The following TTC27 variants were observed in gnomAD, a reference collection of about 807,000 sequenced individuals.
TTC27 encodes tetratricopeptide repeat protein 27.
TTC27 carries 79 observed loss-of-function variants against 115.9 expected under a neutral mutation model. The ratio of observed to expected loss-of-function variants is 0.68; its 90% confidence interval spans 0.57 to 0.82. The LOEUF is 0.82. TTC27 is among the 40% of genes least tolerant of loss of function. TTC27 has a pLI of 0.00. For missense variants in TTC27, 1,054 were observed against 993.1 expected, an observed-to-expected ratio of 1.06 and a Z score of -0.82; for synonymous variants, 401 against 356.0, an observed-to-expected ratio of 1.13 and a Z score of -1.42.
At chr2:32,787,959 A>G (rs1419729268) in intron 16 of TTC27, among the ~76,000 whole-genome samples, 1 of 152,206 alleles carries the variant, frequency 6.6e-6, no homozygotes. Context: ...TCCTGTTAAC[A>G]CTGCTGAAAT....
intron 3 of TTC27, among the ~76,000 whole-genome samples, chr2:32,638,105 T>C (rs1195991436): frequency 6.6e-6 from 1 of 152,238 alleles, no homozygotes; most frequent in African/African-American, 2.4e-5. Flanking sequence ...TGGGAATTGA[T>C]TTGGGAATTG....
At chr2:32,788,302 C>A (rs762039848) in intron 16 of TTC27, among the ~76,000 whole-genome samples, 51 of 152,060 alleles carry the variant, frequency 3.4e-4, no homozygotes, top group Non-Finnish European at 2.4e-4. Flanking sequence ...GGCTCAATTC[C>A]AGCATTCTTT....
chr2:32,634,042 A>T, intron 3 of TTC27, 37 bp downstream of exon 3: 1 of 1,579,036 alleles, frequency 6.3e-7, no homozygotes, highest in South Asian at 1.2e-5. Flanking sequence ...AATTATTATT[A>T]TGTTATTTAT....
At chr2:32,690,509 A>G (rs1204283009) in intron 9 of TTC27, among the ~76,000 whole-genome samples, 2 of 152,222 alleles carry the variant, frequency 1.3e-5, no homozygotes, top group Admixed American at 6.5e-5. Flanking sequence ...AAGGAAGACA[A>G]TATTTAGGAC....
chr2:32,646,218 C>T (rs187166430), intron 4 of TTC27, among the ~76,000 whole-genome samples: 67 of 150,950 alleles, frequency 4.4e-4, no homozygotes, highest in African/African-American at 1.6e-3. Flanking sequence ...TTAGTAGAGA[C>T]GGGGTTTCAC....
intron 16 of TTC27, among the ~76,000 whole-genome samples, chr2:32,803,444 CT>C (rs1383558842): frequency 1.1e-4 from 17 of 152,208 alleles, no homozygotes; most frequent in African/African-American, 2.9e-4. Context: ...CAGATAAACA[CT>C]TTTCTCAGCC....
At chr2:32,770,316 G>C (rs1440811567) in intron 13 of TTC27, among the ~76,000 whole-genome samples, 2 of 152,212 alleles carry the variant, frequency 1.3e-5, no homozygotes, top group African/African-American at 4.8e-5. Flanking sequence ...TGAAGAAATA[G>C]AGGGTTAAGT....
At chr2:32,703,010 A>G in intron 10 of TTC27, 90 bp downstream of exon 10, 3 of 873,496 alleles carry the variant, frequency 3.4e-6, no homozygotes, top group South Asian at 3.1e-5. Context: ...AAGGAATGAA[A>G]TGGCTTACAT....
At chr2:32,629,601 ATT>A (rs367775246) in intron 1 of TTC27, among the ~76,000 whole-genome samples, 2 of 148,870 alleles carry the variant, frequency 1.3e-5, no homozygotes, top group Admixed American at 6.7e-5. Flanking sequence ...CGACCAGCTA[ATT>A]TTTTTTTTTG....
chr2:32,706,420 G>A (rs751782518), intron 10 of TTC27, among the ~76,000 whole-genome samples: 3 of 151,604 alleles, frequency 2.0e-5, no homozygotes, highest in Admixed American at 6.6e-5. Context: ...CAAAATTTTA[G>A]CCCATTTGAA....
Position 32,644,741 on chromosome 2 carries a change from C to T in TTC27, c.537+4331C>T, listed in dbSNP as rs115217678. ...ATCCTGCCTGGCTTCTCTTGCCATT[C>T]AACTGAAGCATTATTCTTTCTATTA... On this transcript the variant is annotated intron_variant, in intron 4 of 19. Coordinates refer to ENST00000317907, the MANE Select transcript of TTC27 (RefSeq NM_017735.5). Among the ~76,000 whole-genome samples the T allele has an allele frequency of 3.9e-3, 595 of 151,950 alleles. 1 individual carries two copies. The highest frequency in any genetic ancestry group is 0.014 in the African/African-American group (566 of 41,450).
Position 32,641,861 on chromosome 2 carries a change from T to A in TTC27, c.537+1451T>A, listed in dbSNP as rs558109339. Among the ~76,000 whole-genome samples, 17 of 151,482 alleles carry A rather than the reference T, an allele frequency of 1.1e-4. No individual in the cohort carries two copies. The South Asian group carries it at 3.5e-3, about 32-fold the overall frequency. On this transcript the variant is annotated intron_variant, in intron 4 of 19. Coordinates refer to ENST00000317907, the MANE Select transcript of TTC27 (RefSeq NM_017735.5). Reference sequence around the variant, plus strand: ...GTCTGGCTAATTTTGTATTTTTATTTATTTATTTTTTTGAGACAGAGTCTC... The same window carrying A: ...GTCTGGCTAATTTTGTATTTTTATTAATTTATTTTTTTGAGACAGAGTCTC...
At chr2:32,767,734 T>G (rs541844708) in intron 13 of TTC27, among the ~76,000 whole-genome samples, 24 of 152,206 alleles carry the variant, frequency 1.6e-4, no homozygotes, top group Non-Finnish European at 2.5e-4. Context: ...GTGCTGGGAT[T>G]ACAGGCGTGA....
chr2:32,813,258 T>C (rs1671378629), intron 18 of TTC27, among the ~76,000 whole-genome samples: 1 of 152,212 alleles, frequency 6.6e-6, no homozygotes, highest in South Asian at 2.1e-4. Flanking sequence ...ATGCCCCCAA[T>C]GTTAAGAACT....
chr2:32,696,360 G>T lies in TTC27; in HGVS notation c.1120-6447G>T, dbSNP rs552919113. ...ACTGGAGTGCAGTGGTGCAATCTCG[G>T]CTCACTGCAACCTCCACCTCCTGGG... On this transcript the variant is annotated intron_variant, in intron 9 of 19. Coordinates refer to ENST00000317907, the MANE Select transcript of TTC27 (RefSeq NM_017735.5). 2.4e-4 allele frequency among the ~76,000 whole-genome samples: 36 copies of T among 150,906 alleles called. 2 individuals are homozygous for T. The South Asian group carries it at 7.7e-3, about 32-fold the overall frequency.
intron 12 of TTC27, among the ~76,000 whole-genome samples, chr2:32,746,106 G>A (rs1668816151): frequency 2.6e-5 from 4 of 152,178 alleles, no homozygotes; most frequent in South Asian, 2.1e-4. Flanking sequence ...TGTATGTGGA[G>A]CGGGGGTAAT....
intron 13 of TTC27, among the ~76,000 whole-genome samples, chr2:32,764,617 T>C (rs1426227670): frequency 6.6e-6 from 1 of 152,236 alleles, no homozygotes; most frequent in Admixed American, 6.5e-5. Flanking sequence ...GTTTGCTGCA[T>C]AGATGGACTC....
At chr2:32,815,452 T>C (rs1671471189) in intron 18 of TTC27, among the ~76,000 whole-genome samples, 1 of 151,774 alleles carries the variant, frequency 6.6e-6, no homozygotes, top group African/African-American at 2.4e-5. Context: ...TTAGCCAGAA[T>C]GGTCTCAATC....
intron 5 of TTC27, among the ~76,000 whole-genome samples, chr2:32,660,071 G>C (rs2151876098): frequency 6.6e-6 from 1 of 152,266 alleles, no homozygotes; most frequent in South Asian, 2.1e-4. Flanking sequence ...TCTGGTTCTA[G>C]ATCCTTGAAG....
Sources: allele counts gnomAD v4.1 joint callset (sites outside exome capture counted in the v4.1 genomes callset), GRCh38; gene constraint gnomAD v4.1.1; transcripts MANE v1.5; gene names NCBI Gene and HGNC (gene_info 2026-07-23, HGNC 2026-07-21).